The following NRXN1 variants were observed in gnomAD, a reference collection of about 807,000 sequenced individuals.
The protein encoded by NRXN1 is neurexin-1.
NRXN1 carries 39 observed loss-of-function variants against 150.9 expected under a neutral mutation model. The ratio of observed to expected loss-of-function variants is 0.26; its 90% CI spans 0.20 to 0.34. NRXN1 has a LOEUF of 0.34. Among genes scored for constraint, NRXN1 ranks in the 10% least tolerant of loss-of-function variants. The probability of loss-of-function intolerance (pLI) is 1.00; values close to 1 mark genes in which losing one functional copy is unlikely to be tolerated. For missense variants in NRXN1, 1,815 were observed against 1,949.9 expected (o/e 0.93, Z 1.30); for synonymous variants, 924 against 757.0 (o/e 1.22, Z -3.62).
intron 17 of NRXN1, among the ~76,000 whole-genome samples, chr2:50,386,849 T>A (rs1381148354): frequency 6.6e-6 from 1 of 152,142 alleles, no homozygotes; most frequent in Non-Finnish European, 1.5e-5. Context: ...TGCTTGTATT[T>A]AGTGTTATGC....
intron 5 of NRXN1, among the ~76,000 whole-genome samples, chr2:50,635,770 G>T (rs1350785631): frequency 6.6e-6 from 1 of 152,150 alleles, no homozygotes; most frequent in East Asian, 1.9e-4. Flanking sequence ...GATAAGGGAG[G>T]TGGGAAGTGG....
At chr2:50,846,276 C>T (rs1458077279) in intron 5 of NRXN1, among the ~76,000 whole-genome samples, 1 of 152,102 alleles carries the variant, frequency 6.6e-6, no homozygotes, top group Admixed American at 6.5e-5. Flanking sequence ...CTAAAGCCAC[C>T]ACAGATCTGC....
intron 17 of NRXN1, among the ~76,000 whole-genome samples, chr2:50,435,920 A>G (rs1476045770): frequency 1.3e-5 from 2 of 152,192 alleles, no homozygotes; most frequent in African/African-American, 4.8e-5. Flanking sequence ...ATTTACCTAT[A>G]TAGGTAACCT....
chr2:50,733,336 C>T (rs1368061937), intron 5 of NRXN1, among the ~76,000 whole-genome samples: 1 of 152,004 alleles, frequency 6.6e-6, no homozygotes, highest in Non-Finnish European at 1.5e-5. Flanking sequence ...TTTTTTATTG[C>T]TCACATCATA....
intron 21 of NRXN1, among the ~76,000 whole-genome samples, chr2:50,030,775 T>C (rs1689064056): frequency 6.6e-6 from 1 of 152,170 alleles, no homozygotes; most frequent in African/African-American, 2.4e-5. Context: ...TGCATTTTCA[T>C]GTTAGCAGTA....
chr2:50,472,541 G>GA lies in NRXN1; in HGVS notation c.3071-71dup, dbSNP rs1351815127. 6 of 1,184,596 alleles carry GA rather than the reference G, an allele frequency of 5.1e-6. No individual in the cohort carries two copies. In the Admixed American group the frequency reaches 7.1e-5, roughly 14 times the overall value. The allele number at this position is 1,184,596 out of a possible 1,614,324, so 73.4% of individuals were successfully genotyped here. Reference sequence around the variant, plus strand: ...GACTTTAAACACACAGTAGGATGGAGAAAAAACAGGGAGGTTTATTTTTCA... The same window carrying GA: ...GACTTTAAACACACAGTAGGATGGAGAAAAAAACAGGGAGGTTTATTTTTCA... On this transcript the variant is annotated intron_variant, in intron 15 of 22. Transcript: ENST00000401669.
intron 5 of NRXN1, among the ~76,000 whole-genome samples, chr2:50,736,174 A>G (rs1254093672): frequency 6.6e-6 from 1 of 152,088 alleles, no homozygotes; most frequent in Non-Finnish European, 1.5e-5. Context: ...GCTCCATTCT[A>G]CCATAGGACC....
intron 5 of NRXN1, among the ~76,000 whole-genome samples, chr2:50,727,721 A>G (rs964613327): frequency 1.3e-5 from 2 of 152,172 alleles, no homozygotes; most frequent in African/African-American, 4.8e-5. Context: ...TTAATTAAAC[A>G]TTTTACCATG....
At chr2:50,402,838 T>G (rs573652454) in intron 17 of NRXN1, among the ~76,000 whole-genome samples, 1 of 152,012 alleles carries the variant, frequency 6.6e-6, no homozygotes, top group Admixed American at 6.6e-5. Flanking sequence ...CTCCTCCCTG[T>G]AAATTGCAAT....
At chr2:50,723,629 G>A (rs1696951750) in intron 5 of NRXN1, among the ~76,000 whole-genome samples, 1 of 152,172 alleles carries the variant, frequency 6.6e-6, no homozygotes, top group Admixed American at 6.5e-5. Flanking sequence ...TTACCCAGAG[G>A]GCCTGGGGAA....
At chr2:50,477,985 G>A (rs1458447014) in intron 15 of NRXN1, among the ~76,000 whole-genome samples, 6 of 152,118 alleles carry the variant, frequency 3.9e-5, no homozygotes, top group Non-Finnish European at 8.8e-5. Context: ...CACATTCTAT[G>A]GGAAGGGTGC....
At chr2:50,168,349 G>T (rs1009691948) in intron 18 of NRXN1, among the ~76,000 whole-genome samples, 1 of 152,134 alleles carries the variant, frequency 6.6e-6, no homozygotes, top group African/African-American at 2.4e-5. Flanking sequence ...CAGACACAAA[G>T]TTGGAAATAA....
chr2:50,633,613 T>C (rs1329598938), intron 5 of NRXN1, among the ~76,000 whole-genome samples: 4 of 152,006 alleles, frequency 2.6e-5, no homozygotes, highest in Non-Finnish European at 5.9e-5. Context: ...ATAAGAACAC[T>C]TGAATTGTTG....
At chr2:50,331,966 G>GAATCTTTACTCAATAGAATCTTTACACAT (rs2076865606) in intron 17 of NRXN1, among the ~76,000 whole-genome samples, 1 of 152,112 alleles carries the variant, frequency 6.6e-6, no homozygotes, top group Non-Finnish European at 1.5e-5. Context: ...AATCTTTAAA[G>GAATCTTTACTCAATAGAATCTTTACACAT]GTACAACCTA....
intron 17 of NRXN1, among the ~76,000 whole-genome samples, chr2:50,439,420 G>T (rs1468431441): frequency 6.6e-6 from 1 of 152,174 alleles, no homozygotes; most frequent in Non-Finnish European, 1.5e-5. Context: ...ACACAAAAGT[G>T]AACATTAAAG....
At chr2:50,301,725 A>C (rs2074167575) in intron 17 of NRXN1, among the ~76,000 whole-genome samples, 1 of 152,200 alleles carries the variant, frequency 6.6e-6, no homozygotes, top group African/African-American at 2.4e-5. Context: ...CAATACAGGA[A>C]CACAAGAGAA....
chr2:50,832,071 A>T (rs1671483074), intron 5 of NRXN1, among the ~76,000 whole-genome samples: 1 of 152,186 alleles, frequency 6.6e-6, no homozygotes, highest in Non-Finnish European at 1.5e-5. Flanking sequence ...AACATAAGGA[A>T]AATATTATTT....
chr2:50,087,829 A>G (rs11125286), intron 19 of NRXN1, among the ~76,000 whole-genome samples: 113,354 of 152,046 alleles, frequency 0.75, 43,226 homozygotes, highest in African/African-American at 0.91. Flanking sequence ...GCAATTACAG[A>G]GCAGTACCAT....
chr2:50,342,785 T>A (rs977152061), intron 17 of NRXN1, among the ~76,000 whole-genome samples: 6 of 152,248 alleles, frequency 3.9e-5, no homozygotes, highest in African/African-American at 1.4e-4. Flanking sequence ...TTTAAAAACC[T>A]CTGAGCTCAT....
Sources: gnomAD v4.1 joint callset for allele counts (sites outside exome capture counted in the v4.1 genomes callset) on GRCh38, gnomAD v4.1.1 for gene constraint, MANE v1.5 for transcripts, NCBI Gene and HGNC (gene_info 2026-07-23, HGNC 2026-07-21) for gene names.